ZNF454: variants seen among roughly 807,000 people sequenced by gnomAD.
ZNF454 encodes the protein zinc finger protein 454.
A neutral mutation model predicts 48.2 loss-of-function variants in ZNF454; 30 were observed. The ratio of observed to expected loss-of-function variants is 0.62; its 90% CI spans 0.47 to 0.84. ZNF454 has a LOEUF of 0.84. ZNF454 is among the 40% of genes least tolerant of loss of function. ZNF454 has a pLI of 0.00. For missense variants in ZNF454, 510 were observed against 623.1 expected (o/e 0.82, Z 1.93); for synonymous variants, 204 against 211.4 (o/e 0.97, Z 0.30).
intron 4 of ZNF454, among the ~76,000 whole-genome samples, chr5:178,956,648 A>C (rs1039790275): frequency 1.4e-5 from 2 of 142,542 alleles, no homozygotes; most frequent in Admixed American, 1.5e-4. Context: ...AACTGACCTT[A>C]AACCAGTCTT....
At chr5:178,975,913 T>C in the ZNF454 span, among the ~76,000 whole-genome samples, 1 of 152,222 alleles carries the variant, frequency 6.6e-6, no homozygotes, top group East Asian at 1.9e-4. Flanking sequence ...TCTCTCTCTA[T>C]ATCTTTATCT....
At chr5:178,985,325 T>C in the ZNF454 span, 17 of 453,322 alleles carry the variant, frequency 3.8e-5, no homozygotes, top group Middle Eastern at 3.2e-4. Flanking sequence ...CCGTTTTCCT[T>C]CAAGGACCCA....
chr5:178,973,843 A>T, the ZNF454 span, among the ~76,000 whole-genome samples: 1 of 23,696 alleles, frequency 4.2e-5, no homozygotes, highest in Non-Finnish European at 1.1e-4. Flanking sequence ...ACTTCATCTC[A>T]AAAAAAAAAA....
the ZNF454 span, among the ~76,000 whole-genome samples, chr5:178,972,075 A>G: frequency 6.6e-6 from 1 of 151,984 alleles, no homozygotes. Context: ...TTGGGATTAC[A>G]GGCATGCACC....
chr5:178,983,054 C>T, the ZNF454 span: 23 of 1,614,002 alleles, frequency 1.4e-5, no homozygotes, highest in East Asian at 4.5e-5. Flanking sequence ...ACACTGTGCA[C>T]GTGACCATGA....
At position 178,944,408 on chromosome 5, in the gene ZNF454, G is replaced by A. The variant is rs1179211596; in HGVS notation, c.33+1584G>A. 6.6e-6 allele frequency among the ~76,000 whole-genome samples: 1 copy of A among 152,198 alleles called. No homozygotes were observed. Among genetic ancestry groups the A allele is most frequent in the East Asian group, 1.9e-4 (1 of 5,202 alleles). ...ACAATTTATCTTGTGTTTATAGGCT[G>A]CCTTGATTTGGTTGCCATTCAGCAG... is the stretch of plus-strand genomic sequence containing the variant. On this transcript the variant is annotated intron_variant, in intron 2 of 4. Coordinates refer to ENST00000519564, the MANE Select transcript of ZNF454 (RefSeq NM_001178089.3). The surrounding 1 kb of genome is among the most constrained non-coding windows in gnomAD (Gnocchi z 4.1).
chr5:178,989,423 G>A, the ZNF454 span: 1 of 1,613,810 alleles, frequency 6.2e-7, no homozygotes, highest in Non-Finnish European at 8.5e-7. Context: ...CAGGGAAGAA[G>A]GGGGAGGGTG....
chr5:178,968,317 C>A (rs1760196669), downstream of ZNF454, among the ~76,000 whole-genome samples: 1 of 152,034 alleles, frequency 6.6e-6, no homozygotes, highest in Admixed American at 6.6e-5. Flanking sequence ...ACCCCCTGAC[C>A]CCTCAGAATG....
At chr5:178,942,869 G>T (rs1217796765) in intron 2 of ZNF454, 45 bp downstream of exon 2, 1 of 1,598,790 alleles carries the variant, frequency 6.3e-7, no homozygotes, top group African/African-American at 1.3e-5. Context: ...TGGATTTGAA[G>T]AGTGTGGCAT....
chr5:178,976,511 C>T, the ZNF454 span, among the ~76,000 whole-genome samples: 3,895 of 152,130 alleles, frequency 0.026, 80 homozygotes, highest in South Asian at 0.074. Context: ...CCTGGGACTG[C>T]TCAGCTGTGG....
chr5:178,976,036 C>T, the ZNF454 span: 1 of 423,400 alleles, frequency 2.4e-6, no homozygotes, highest in Non-Finnish European at 4.8e-6. Context: ...CCCTACTCCT[C>T]CATGCCACTC....
chr5:178,981,827 C>T, the ZNF454 span: 47 of 1,612,630 alleles, frequency 2.9e-5, no homozygotes, highest in Middle Eastern at 1.6e-4. The surrounding 1 kb of genome is among the most constrained non-coding windows in gnomAD (Gnocchi z 5.1). Context: ...CTCAAGGACA[C>T]GGTTAGCGTG....
At chr5:178,964,342 G>A (rs538171018) in intron 4 of ZNF454, among the ~76,000 whole-genome samples, 4 of 152,084 alleles carry the variant, frequency 2.6e-5, no homozygotes, top group South Asian at 2.1e-4. Flanking sequence ...GGATGGTCTC[G>A]ATCTCCTGAC....
the ZNF454 span, chr5:178,986,433 G>A: frequency 2.4e-4 from 380 of 1,613,408 alleles, 2 homozygotes; most frequent in South Asian, 3.4e-4. Context: ...TGTACCGCAC[G>A]AAGGTGGCCA....
chr5:178,946,952 G>T lies in ZNF454; in HGVS notation c.216G>T (p.Trp72Cys). The T allele has an allele frequency of 6.2e-7, 1 of 1,614,102 alleles. No individual in the cohort carries two copies. The highest frequency in any genetic ancestry group is 8.5e-7 in the Non-Finnish European group (1 of 1,180,000). Reference protein sequence around the residue: ...TFSQLEKREVWMPEDTPGGFC... With the variant: ...TFSQLEKREVCMPEDTPGGFC... ...CCCAGCTAGAAAAAAGGGAAGTGTG[G>T]ATGCCAGAGGACACCCCTGGAGGCT... is the stretch of plus-strand genomic sequence containing the variant. Residue 72 changes from tryptophan (W) to cysteine (C), a missense_variant, in exon 4 of 5, where the codon TGG becomes TGT. Around this residue, in one of 3 missense-constraint regions of ZNF454, gnomAD observed 354 missense variants for 408.9 expected, o/e 0.87. Transcript: ENST00000519564. The surrounding 1 kb of genome is among the most constrained non-coding windows in gnomAD (Gnocchi z 4.5).
the ZNF454 span, chr5:178,981,681 G>T: frequency 1.9e-6 from 3 of 1,613,800 alleles, no homozygotes; most frequent in East Asian, 4.5e-5. The surrounding 1 kb of genome is among the most constrained non-coding windows in gnomAD (Gnocchi z 5.1). Flanking sequence ...CTGCATCCTC[G>T]CCCTTGGGTG....
the ZNF454 span, among the ~76,000 whole-genome samples, chr5:178,984,288 G>A: frequency 1.5e-4 from 16 of 105,394 alleles, no homozygotes; most frequent in African/African-American, 3.9e-4. Flanking sequence ...GGGAGCGAGC[G>A]AGCACGCCTC....
At chr5:178,975,904 C>G in the ZNF454 span, among the ~76,000 whole-genome samples, 5 of 152,202 alleles carry the variant, frequency 3.3e-5, no homozygotes, top group African/African-American at 1.2e-4. Flanking sequence ...GAGCAAAACT[C>G]TCTCTCTATA....
At chr5:178,985,480 G>A in the ZNF454 span, 11 of 341,482 alleles carry the variant, frequency 3.2e-5, no homozygotes, top group East Asian at 1.7e-4. Context: ...GAGGTGGGCG[G>A]ATCACGAGGT....
Sources: allele counts gnomAD v4.1 joint callset (sites outside exome capture counted in the v4.1 genomes callset), GRCh38; gene constraint gnomAD v4.1.1; regional missense constraint gnomAD v4.1.1; non-coding constraint Gnocchi (gnomAD v3.1); transcripts MANE v1.5; gene names NCBI Gene and HGNC (gene_info 2026-07-23, HGNC 2026-07-21).